The following GOLM1 variants were observed in gnomAD, a reference collection of about 807,000 sequenced individuals.
GOLM1 encodes the protein epididymis luminal protein 46.
In GOLM1, 31 loss-of-function variants were observed where a neutral mutation model predicts 50.5. That is an observed-to-expected ratio of 0.61 (90% CI 0.46 to 0.83). GOLM1 has a LOEUF of 0.83. Ranked by LOEUF, GOLM1 falls within the 40% of genes least tolerant of loss-of-function variation. The pLI is 0.00. For synonymous variants in GOLM1, 178 were observed against 192.8 expected, an observed-to-expected ratio of 0.92 and a Z score of 0.64; for missense variants, 491 against 501.3, an observed-to-expected ratio of 0.98 and a Z score of 0.20.
In GOLM1 at chr9:86,079,282, C is replaced by T. The variant is rs563098143; in HGVS notation, c.39G>A (p.Ser13=). ...CCAGGGCGGCCAGCACGAGGGGCGGCGACTTCATGCTGCGACGCCCGTTTC... is the reference window on the plus strand; with the variant it reads ...CCAGGGCGGCCAGCACGAGGGGCGGTGACTTCATGCTGCGACGCCCGTTTC... ...GLGNGRRSMK[S]PPLVLAALVA... Residue 13 remains serine (S), a synonymous_variant, in exon 2 of 10, where the codon TCG becomes TCA. Transcript: ENST00000388712. 1.2e-5 allele frequency: 20 copies of T among 1,608,650 alleles called. No individual in the cohort carries two copies. The highest frequency in any genetic ancestry group is 2.2e-5 in the East Asian group (1 of 44,740).
chr9:86,053,974 G>A (rs1424019525), intron 3 of GOLM1, among the ~76,000 whole-genome samples: 1 of 152,102 alleles, frequency 6.6e-6, no homozygotes, highest in African/African-American at 2.4e-5. Context: ...AAAAGGGAAT[G>A]CAGTGGCCAT....
chr9:86,027,481 T>C lies in GOLM1; in HGVS notation c.*336A>G. The stretch of plus-strand genomic sequence containing the variant: ...GATGGACTCTTCTATAGGTGGCTGT[T>C]AATTTACACAAAGTTATATTCCAGA... On this transcript the variant is annotated 3_prime_UTR_variant, in exon 10 of 10. Coordinates refer to ENST00000388712, the MANE Select transcript of GOLM1 (RefSeq NM_016548.4). The C allele has an allele frequency of 9.1e-7, 1 of 1,102,442 alleles. No individual in the cohort carries two copies. Among genetic ancestry groups the C allele is most frequent in the Non-Finnish European group, 1.1e-6 (1 of 904,026 alleles). The allele number at this position is 1,102,442 out of a possible 1,614,324, so 68.3% of individuals were successfully genotyped here.
chr9:86,089,172 T>C (rs1205839928), intron 1 of GOLM1, among the ~76,000 whole-genome samples: 2 of 152,204 alleles, frequency 1.3e-5, no homozygotes, highest in African/African-American at 2.4e-5. Flanking sequence ...CTGACTTTTT[T>C]CTCTGGCTGC....
intron 1 of GOLM1, among the ~76,000 whole-genome samples, chr9:86,090,885 G>A (rs1835163832): frequency 6.6e-6 from 1 of 151,998 alleles, no homozygotes; most frequent in Non-Finnish European, 1.5e-5. Context: ...GGCCCTGGTG[G>A]TGTAGGCACC....
chr9:86,053,712 CCGCAT>C, intron 3 of GOLM1, among the ~76,000 whole-genome samples: 1 of 716 alleles, frequency 1.4e-3, no homozygotes, highest in Non-Finnish European at 3.6e-3. Flanking sequence ...ACATACCCCA[CCGCAT>C]CACAGACTGC....
chr9:86,039,038 A>G (rs1833243940), intron 6 of GOLM1, among the ~76,000 whole-genome samples: 1 of 152,222 alleles, frequency 6.6e-6, no homozygotes, highest in Non-Finnish European at 1.5e-5. Flanking sequence ...AAAAACTTGC[A>G]AATCATATAT....
chr9:86,042,687 G>A (rs549903684), intron 5 of GOLM1, among the ~76,000 whole-genome samples: 1 of 152,324 alleles, frequency 6.6e-6, no homozygotes, highest in South Asian at 2.1e-4. Context: ...AGAACTAAAT[G>A]AGCAGGTCGT....
At chr9:86,075,495 T>C (rs1322549718) in intron 3 of GOLM1, among the ~76,000 whole-genome samples, 1 of 152,162 alleles carries the variant, frequency 6.6e-6, no homozygotes, top group Admixed American at 6.5e-5. Flanking sequence ...CCCTGTGAGA[T>C]TCCTTTCTCA....
Position 86,087,059 on chromosome 9 carries a change from C to T in GOLM1, c.-21-7718G>A, listed in dbSNP as rs1004764225. On this transcript the variant is annotated intron_variant, in intron 1 of 9. Coordinates refer to ENST00000388712, the MANE Select transcript of GOLM1 (RefSeq NM_016548.4). The stretch of plus-strand genomic sequence containing the variant: ...ACTTTGGGCAGTATGGCCATTTTCA[C>T]GATATTGATTCTTCCGATCCATGAG... Among the ~76,000 whole-genome samples the T allele has an allele frequency of 4.6e-5, 7 of 152,174 alleles. No homozygotes were observed. The East Asian group carries it at 5.8e-4, about 13-fold the overall frequency.
At chr9:86,071,078 T>TACACACACAC (rs58612344) in intron 3 of GOLM1, among the ~76,000 whole-genome samples, 24,935 of 148,174 alleles carry the variant, frequency 0.17, 2,500 homozygotes, top group East Asian at 0.56. Flanking sequence ...TATATACATG[T>TACACACACAC]ACACACACAC....
intron 1 of GOLM1, among the ~76,000 whole-genome samples, chr9:86,085,952 T>C (rs1231842730): frequency 6.6e-6 from 1 of 152,220 alleles, no homozygotes. Context: ...TGCATGTGTC[T>C]TTATAGAATG....
intron 1 of GOLM1, among the ~76,000 whole-genome samples, chr9:86,087,542 G>A (rs1294141572): frequency 6.6e-6 from 1 of 152,212 alleles, no homozygotes; most frequent in African/African-American, 2.4e-5. Context: ...AATGCCTCCA[G>A]CTTTTGCCCA....
chr9:86,092,331 A>G (rs1835210381), intron 1 of GOLM1, among the ~76,000 whole-genome samples: 1 of 152,216 alleles, frequency 6.6e-6, no homozygotes, highest in Non-Finnish European at 1.5e-5. Flanking sequence ...TTTTCCTTCC[A>G]TAACCATTCT....
intron 1 of GOLM1, among the ~76,000 whole-genome samples, chr9:86,083,134 G>A (rs1446420814): frequency 6.6e-6 from 1 of 152,128 alleles, no homozygotes; most frequent in Non-Finnish European, 1.5e-5. Context: ...GTATTCACTG[G>A]GGATTGGTTC....
intron 3 of GOLM1, 131 bp from the exon 4 acceptor site, chr9:86,052,722 C>T (rs897901411): frequency 1.1e-5 from 8 of 705,778 alleles, no homozygotes; most frequent in Admixed American, 2.1e-5. Context: ...TCGCACTCAG[C>T]GCTCAGGCTG....
chr9:86,081,124 G>A (rs921686314), intron 1 of GOLM1, among the ~76,000 whole-genome samples: 4 of 151,498 alleles, frequency 2.6e-5, no homozygotes. Context: ...CTGACCTCAA[G>A]TGATCCTCCC....
chr9:86,043,088 C>G (rs974970044), intron 5 of GOLM1, among the ~76,000 whole-genome samples: 19 of 152,140 alleles, frequency 1.2e-4, no homozygotes, highest in African/African-American at 4.6e-4. Context: ...GCAGGTGATC[C>G]CATCACCCAG....
chr9:86,085,000 G>GC (rs1284043140), intron 1 of GOLM1: 13 of 152,348 alleles, frequency 8.5e-5, no homozygotes, highest in African/African-American at 2.9e-4. Context: ...AGTCGAGATC[G>GC]CGCCACTGCA....
rs768357926 is a variant in GOLM1 at position 86,033,245 on chromosome 9, A to C, written c.1129+37T>G. On this transcript the variant is annotated intron_variant, in intron 9 of 9. Transcript: ENST00000388712. ...GTGAAGGACCAGGAAAGAGAAATGA[A>C]AGGTGACCTCGTCACCGATGTAGGC... is the stretch of plus-strand genomic sequence containing the variant. 7 of 1,128,762 alleles carry C rather than the reference A, an allele frequency of 6.2e-6. No homozygotes were observed. The South Asian group carries it at 7.5e-5, about 12-fold the overall frequency. 69.9% of individuals were successfully genotyped at this position (1,128,762 alleles called of 1,614,324 possible). A position where few individuals can be genotyped will look rare whatever the true frequency, so the allele number is the denominator to read the frequency against.
Sources: gnomAD v4.1 joint callset for allele counts (sites outside exome capture counted in the v4.1 genomes callset) on GRCh38, gnomAD v4.1.1 for gene constraint, MANE v1.5 for transcripts, NCBI Gene and HGNC (gene_info 2026-07-23, HGNC 2026-07-21) for gene names.